The following PTPRQ variants were observed in gnomAD, a reference collection of about 807,000 sequenced individuals.
PTPRQ encodes the protein phosphatidylinositol phosphatase PTPRQ.
Under a neutral mutation model 246.0 loss-of-function variants are expected in PTPRQ, and 199 were observed. The ratio of observed to expected loss-of-function variants is 0.81; its 90% CI spans 0.72 to 0.91. The LOEUF (loss-of-function observed/expected upper bound fraction) is 0.91. PTPRQ is among the 40% of genes least tolerant of loss of function. The pLI, the probability that PTPRQ is intolerant of heterozygous loss-of-function variation, is 0.00. For synonymous variants in PTPRQ, 869 were observed against 853.2 expected (o/e 1.02, Z -0.32); for missense variants, 2,624 against 2,528.4 (o/e 1.04, Z -0.81).
At chr12:80,631,671 C>A (rs1343214245) in intron 33 of PTPRQ, among the ~76,000 whole-genome samples, 1 of 152,094 alleles carries the variant, frequency 6.6e-6, no homozygotes, top group Non-Finnish European at 1.5e-5. Flanking sequence ...AAGATAGAGC[C>A]TACAGGATTT....
rs183197812 is a variant in PTPRQ at position 80,550,511 on chromosome 12, C to A, written c.4285+777C>A. 9.1e-4 allele frequency among the ~76,000 whole-genome samples: 138 copies of A among 152,258 alleles called. 1 individual carries two copies. Among genetic ancestry groups the A allele is most frequent in the Admixed American group, 3.5e-3 (53 of 15,278 alleles). On this transcript the variant is annotated intron_variant, in intron 25 of 44. Transcript: ENST00000644991. Reference sequence around the variant, plus strand: ...AACTCCACATCCTTTCCTTCTCATTCTTCCAGTGCAACATTTTTTCAGACT... The same window carrying A: ...AACTCCACATCCTTTCCTTCTCATTATTCCAGTGCAACATTTTTTCAGACT...
chr12:80,646,513 C>T (rs1403836344), intron 35 of PTPRQ, among the ~76,000 whole-genome samples: 1 of 152,134 alleles, frequency 6.6e-6, no homozygotes, highest in Non-Finnish European at 1.5e-5. Flanking sequence ...TATTTATCCA[C>T]CAACTCTGGT....
intron 2 of PTPRQ, among the ~76,000 whole-genome samples, 169 bp downstream of exon 2, chr12:80,445,018 G>T (rs994429260): frequency 4.0e-5 from 6 of 151,864 alleles, no homozygotes; most frequent in Non-Finnish European, 7.4e-5. Context: ...GCATTCTGCT[G>T]TTTCTTCAGC....
chr12:80,456,133 A>G (rs183173124), intron 3 of PTPRQ, among the ~76,000 whole-genome samples: 20 of 152,336 alleles, frequency 1.3e-4, no homozygotes, highest in Non-Finnish European at 2.2e-4. Context: ...AGAAGAAAAT[A>G]TATAAAACCT....
chr12:80,578,051 T>A (rs1897321225), intron 25 of PTPRQ, among the ~76,000 whole-genome samples: 1 of 152,144 alleles, frequency 6.6e-6, no homozygotes, highest in Non-Finnish European at 1.5e-5. Flanking sequence ...TGGGAAATTT[T>A]TTTTTTTGGA....
intron 33 of PTPRQ, among the ~76,000 whole-genome samples, chr12:80,623,620 G>A (rs1313433589): frequency 6.6e-6 from 1 of 152,064 alleles, no homozygotes; most frequent in Non-Finnish European, 1.5e-5. Flanking sequence ...GCCAATGGAA[G>A]GTAAAAGACC....
In PTPRQ at chr12:80,620,240, C is replaced by T; in HGVS notation, c.5476C>T (p.Pro1826Ser). The T allele has an allele frequency of 6.5e-7, 1 of 1,549,112 alleles. No individual in the cohort carries two copies. Among genetic ancestry groups the T allele is most frequent in the South Asian group, 1.2e-5 (1 of 83,952 alleles). ...PYFTNEGFPN[P>S]PCTEGKTKFS... The stretch of plus-strand genomic sequence containing the variant: ...TTTTACAAATGAAGGCTTTCCTAAC[C>T]CTCCATGTACAGAAGGAAAGACAAA... The change falls in exon 32 of 45, where the codon CCT (proline) becomes TCT (serine). Residue 1826 changes from proline (P) to serine (S), a missense_variant. Pro to Ser is a moderately conservative substitution (Grantham distance 74). Coordinates refer to ENST00000644991, the MANE Select transcript of PTPRQ (RefSeq NM_001145026.2).
intron 39 of PTPRQ, 45 bp downstream of exon 39, chr12:80,658,106 T>C: frequency 8.8e-7 from 1 of 1,135,670 alleles, no homozygotes; most frequent in Non-Finnish European, 1.2e-6. Context: ...AAAACATAAT[T>C]ACTGAAATTG....
At chr12:80,665,656 A>C (rs1900762587) in intron 39 of PTPRQ, among the ~76,000 whole-genome samples, 1 of 152,094 alleles carries the variant, frequency 6.6e-6, no homozygotes, top group African/African-American at 2.4e-5. Context: ...CAACAGAATG[A>C]ATAGACAATC....
chr12:80,485,699 A>G (rs1374727533), intron 9 of PTPRQ, among the ~76,000 whole-genome samples: 3 of 152,028 alleles, frequency 2.0e-5, no homozygotes, highest in African/African-American at 7.3e-5. Flanking sequence ...TTTCTGTGAT[A>G]CTCTGGTTGA....
At chr12:80,496,144 A>T (rs1894612640) in intron 13 of PTPRQ, 38 bp downstream of exon 13, 2 of 1,543,870 alleles carry the variant, frequency 1.3e-6, no homozygotes, top group Non-Finnish European at 1.7e-6. Context: ...TTTTTAAAAA[A>T]GTGGTTGTAA....
chr12:80,621,148 T>C (rs1221197375), intron 32 of PTPRQ, among the ~76,000 whole-genome samples: 2 of 151,834 alleles, frequency 1.3e-5, no homozygotes, highest in African/African-American at 4.8e-5. Context: ...CAAGTTAACA[T>C]TGGAAAAATT....
intron 43 of PTPRQ, among the ~76,000 whole-genome samples, chr12:80,673,786 C>T (rs1592783930): frequency 6.6e-6 from 1 of 152,030 alleles, no homozygotes; most frequent in East Asian, 1.9e-4. Context: ...CAACTATTAA[C>T]TGTGAGGTTT....
intron 26 of PTPRQ, among the ~76,000 whole-genome samples, chr12:80,589,600 C>A (rs954650363): frequency 1.3e-5 from 2 of 152,146 alleles, no homozygotes; most frequent in Non-Finnish European, 2.9e-5. Flanking sequence ...TTCTAGGCCA[C>A]CAATTGTGTC....
chr12:80,550,669 G>GT (rs984210138), intron 25 of PTPRQ, among the ~76,000 whole-genome samples: 97 of 152,082 alleles, frequency 6.4e-4, no homozygotes, highest in African/African-American at 2.2e-3. Flanking sequence ...CCCATTATTT[G>GT]TTTTTTCCAA....
rs1170302574 is a variant in PTPRQ, at chr12:80,510,414, A to G, written c.2649A>G (p.Gly883=). The change falls in exon 17 of 45, where the codon GGA becomes GGG. Residue 883 remains glycine (G), a synonymous_variant. Coordinates refer to ENST00000644991, the MANE Select transcript of PTPRQ (RefSeq NM_001145026.2). ...LSWQPPLEPN[G]IILYYTVYVW... ...GGCAACCACCCCTGGAGCCAAATGG[A>G]ATTATCCTTTATTACACAGTTTATG... The G allele has an allele frequency of 1.9e-6, 3 of 1,550,326 alleles. No homozygotes were observed. In the South Asian group the frequency reaches 3.6e-5, roughly 18 times the overall value.
intron 17 of PTPRQ, among the ~76,000 whole-genome samples, chr12:80,533,108 C>G (rs972699865): frequency 6.6e-6 from 1 of 152,092 alleles, no homozygotes; most frequent in East Asian, 1.9e-4. Flanking sequence ...TGTTACTGAT[C>G]ATATTCCCTT....
At chr12:80,510,965 T>C (rs1895108656) in intron 17 of PTPRQ, among the ~76,000 whole-genome samples, 1 of 152,226 alleles carries the variant, frequency 6.6e-6, no homozygotes, top group African/African-American at 2.4e-5. Context: ...TCCAACATTG[T>C]ATCTCATGTT....
At chr12:80,632,334 A>T (rs1592738914) in intron 34 of PTPRQ, 43 bp downstream of exon 34, 2 of 1,550,220 alleles carry the variant, frequency 1.3e-6, no homozygotes, top group Non-Finnish European at 8.7e-7. Flanking sequence ...CTTTATGGGC[A>T]TTATATCAGT....
Sources: gnomAD v4.1 joint callset for allele counts (sites outside exome capture counted in the v4.1 genomes callset) on GRCh38, gnomAD v4.1.1 for gene constraint, MANE v1.5 for transcripts, NCBI Gene and HGNC (gene_info 2026-07-23, HGNC 2026-07-21) for gene names.